Variants in DLG2 observed in about 807,000 individuals in gnomAD.
The protein encoded by DLG2 is disks large homolog 2.
A neutral mutation model predicts 132.5 loss-of-function variants in DLG2; 45 were observed. That is an observed-to-expected ratio of 0.34 (90% CI 0.27 to 0.44). The LOEUF is 0.44. Ranked by LOEUF, DLG2 falls within the 20% of genes least tolerant of loss-of-function variation. DLG2 has a pLI of 1.00. For missense variants in DLG2, 1,045 were observed against 1,196.9 expected (o/e 0.87, Z 1.87); for synonymous variants, 424 against 419.6 (o/e 1.01, Z -0.13).
chr11:84,862,628 T>G (rs745693794), intron 6 of DLG2, among the ~76,000 whole-genome samples: 5 of 152,100 alleles, frequency 3.3e-5, no homozygotes, highest in Non-Finnish European at 7.4e-5. Context: ...CACCATAGAA[T>G]AGCATGCAGT....
At chr11:83,700,590 G>C (rs1172472248) in intron 18 of DLG2, among the ~76,000 whole-genome samples, 1 of 152,098 alleles carries the variant, frequency 6.6e-6, no homozygotes, top group East Asian at 1.9e-4. Context: ...TTAAAAACAA[G>C]AATGTCTTAG....
intron 5 of DLG2, among the ~76,000 whole-genome samples, chr11:85,150,200 T>C (rs1038337698): frequency 1.3e-5 from 2 of 151,758 alleles, no homozygotes; most frequent in Admixed American, 1.3e-4. Context: ...TTTTGTATTT[T>C]TAGTAGAGAC....
chr11:83,618,820 T>G (rs2061223471), intron 19 of DLG2, among the ~76,000 whole-genome samples: 1 of 152,194 alleles, frequency 6.6e-6, no homozygotes. Flanking sequence ...TGGAACCTAC[T>G]ACAAGAGACT....
At chr11:84,934,512 T>TA (rs2048473539) in intron 6 of DLG2, among the ~76,000 whole-genome samples, 1 of 70,152 alleles carries the variant, frequency 1.4e-5, no homozygotes, top group East Asian at 9.2e-4. Context: ...GTGTTTTTTT[T>TA]TTGTTTTGTT....
intron 15 of DLG2, among the ~76,000 whole-genome samples, chr11:83,894,812 A>C (rs2071076649): frequency 6.6e-6 from 1 of 152,092 alleles, no homozygotes; most frequent in Non-Finnish European, 1.5e-5. Flanking sequence ...TTCTCTTCCC[A>C]GCCTCTGATA....
chr11:84,652,736 C>T (rs1021361638), intron 6 of DLG2, among the ~76,000 whole-genome samples: 1 of 152,052 alleles, frequency 6.6e-6, no homozygotes, highest in African/African-American at 2.4e-5. Context: ...TTCATTTAAA[C>T]CTTTTAACTA....
intron 19 of DLG2, among the ~76,000 whole-genome samples, chr11:83,625,096 A>C (rs2062280179): frequency 6.6e-6 from 1 of 152,242 alleles, no homozygotes; most frequent in South Asian, 2.1e-4. Context: ...TTATGAGGAA[A>C]TGAATGTGTG....
At chr11:84,860,600 A>T (rs2083469209) in intron 6 of DLG2, among the ~76,000 whole-genome samples, 1 of 152,144 alleles carries the variant, frequency 6.6e-6, no homozygotes, top group Non-Finnish European at 1.5e-5. Flanking sequence ...CTGGTAAAGA[A>T]ATTCATCTGA....
At chr11:85,171,882 C>T (rs1234708949) in intron 4 of DLG2, among the ~76,000 whole-genome samples, 1 of 152,248 alleles carries the variant, frequency 6.6e-6, no homozygotes, top group Non-Finnish European at 1.5e-5. Flanking sequence ...TGATCCCTCC[C>T]TCCTCACTGG....
At chr11:84,765,277 C>G (rs972034796) in intron 6 of DLG2, among the ~76,000 whole-genome samples, 3 of 152,066 alleles carry the variant, frequency 2.0e-5, no homozygotes, top group African/African-American at 7.2e-5. Flanking sequence ...ACACCTGCAT[C>G]AAATTCCTCC....
At chr11:84,299,268 T>C (rs1267352526) in intron 7 of DLG2, among the ~76,000 whole-genome samples, 1 of 152,206 alleles carries the variant, frequency 6.6e-6, no homozygotes, top group Non-Finnish European at 1.5e-5. Flanking sequence ...TTTAAATCAG[T>C]AAGTGATACA....
intron 6 of DLG2, among the ~76,000 whole-genome samples, chr11:84,539,491 C>T (rs904370948): frequency 6.6e-6 from 1 of 152,134 alleles, no homozygotes. Context: ...AAATGAGGGC[C>T]ATTGGCAGAA....
chr11:84,045,876 T>C (rs2154113526), intron 11 of DLG2, among the ~76,000 whole-genome samples: 1 of 151,702 alleles, frequency 6.6e-6, no homozygotes, highest in South Asian at 2.1e-4. Context: ...TACAAATGTC[T>C]GAAGGGCTCT....
chr11:84,093,309 A>G (rs2097123174), intron 10 of DLG2, among the ~76,000 whole-genome samples: 1 of 152,086 alleles, frequency 6.6e-6, no homozygotes, highest in Admixed American at 6.5e-5. Flanking sequence ...TCCCTGCTTC[A>G]TTGTTGGCTG....
chr11:84,102,072 T>C (rs2092573421), intron 9 of DLG2, among the ~76,000 whole-genome samples: 1 of 152,198 alleles, frequency 6.6e-6, no homozygotes, highest in Admixed American at 6.6e-5. Context: ...CATCGCCTTC[T>C]TGACTATTTC....
At chr11:85,081,009 G>T (rs1200587943) in intron 6 of DLG2, among the ~76,000 whole-genome samples, 4 of 152,018 alleles carry the variant, frequency 2.6e-5, no homozygotes, top group South Asian at 2.1e-4. Context: ...AGTTATGTGG[G>T]TATAAATTCT....
chr11:84,956,058 G>A (rs2051619009), intron 6 of DLG2, among the ~76,000 whole-genome samples: 2 of 152,104 alleles, frequency 1.3e-5, no homozygotes, highest in African/African-American at 4.8e-5. Flanking sequence ...ACCCAGCCAG[G>A]TATCATCAGC....
At chr11:84,221,726 G>T (rs916377722) in intron 8 of DLG2, among the ~76,000 whole-genome samples, 4 of 152,034 alleles carry the variant, frequency 2.6e-5, no homozygotes, top group African/African-American at 9.7e-5. Flanking sequence ...GGGAGTTGGG[G>T]TTAGCATTAC....
intron 3 of DLG2, among the ~76,000 whole-genome samples, chr11:85,574,308 T>C (rs2078023126): frequency 1.3e-5 from 2 of 152,090 alleles, no homozygotes; most frequent in South Asian, 4.2e-4. Flanking sequence ...CCCAAATTTC[T>C]ATATCAAACT....
Sources: gnomAD v4.1 joint callset for allele counts (sites outside exome capture counted in the v4.1 genomes callset) on GRCh38, gnomAD v4.1.1 for gene constraint, MANE v1.5 for transcripts, NCBI Gene and HGNC (gene_info 2026-07-23, HGNC 2026-07-21) for gene names.